Variants in DNAJC24 observed in about 807,000 individuals in gnomAD.
DNAJC24 encodes the protein DnaJ heat shock protein family (Hsp40) member C24.
In DNAJC24, 17 loss-of-function variants were observed where a neutral mutation model predicts 18.0. That is an observed-to-expected ratio of 0.94 (90% CI 0.65 to 1.42). The LOEUF (loss-of-function observed/expected upper bound fraction) is 1.42. DNAJC24 is among the 40% of genes most tolerant of loss of function. DNAJC24 has a pLI of 0.00. For missense variants in DNAJC24, 158 were observed against 175.6 expected (o/e 0.90, Z 0.57); for synonymous variants, 55 against 57.7 (o/e 0.95, Z 0.21).
At chr11:31,414,696 TG>T (rs1952737672) in intron 2 of DNAJC24, 114 bp from the exon 3 acceptor site, 3 of 1,121,630 alleles carry the variant, frequency 2.7e-6, no homozygotes, top group Non-Finnish European at 3.8e-6. Flanking sequence ...CCTTGGCATT[TG>T]GTTTTCATCT....
intron 2 of DNAJC24, among the ~76,000 whole-genome samples, chr11:31,385,939 G>A (rs1261050851): frequency 6.6e-6 from 1 of 152,136 alleles, no homozygotes; most frequent in Admixed American, 6.5e-5. Context: ...CCGTGTGCTT[G>A]GGGAAGGGAG....
Position 31,372,699 on chromosome 11 carries a change from CAG to C in DNAJC24, c.111+1844_111+1845del, listed in dbSNP as rs956268212. The stretch of plus-strand genomic sequence containing the variant: ...TTTCACATATGCGCTAACAATGTAT[CAG>C]AGAATTCTGGTTGCTCTACAGCTTT... On this transcript the variant is annotated intron_variant, in intron 2 of 4. Transcript: ENST00000465995. 5.2e-5 allele frequency among the ~76,000 whole-genome samples: 7 copies of C among 135,858 alleles called. 1 individual carries two copies. Among genetic ancestry groups the C allele is most frequent in the Non-Finnish European group, 1.0e-4 (6 of 58,728 alleles). 89.1% of individuals were successfully genotyped at this position (135,858 alleles called of 152,430 possible). A position where few individuals can be genotyped will look rare whatever the true frequency, so the allele number is the denominator to read the frequency against.
intron 3 of DNAJC24, among the ~76,000 whole-genome samples, chr11:31,418,585 G>T (rs1039190189): frequency 1.2e-4 from 18 of 152,068 alleles, no homozygotes; most frequent in Non-Finnish European, 1.9e-4. Context: ...ATGTTTAAAA[G>T]AATAGATTGT....
intron 2 of DNAJC24, chr11:31,396,183 G>GT: frequency 2.4e-6 from 1 of 413,918 alleles, no homozygotes; most frequent in Non-Finnish European, 4.8e-6. Context: ...TGATACTGTT[G>GT]TAAGTCTTGA....
intron 2 of DNAJC24, among the ~76,000 whole-genome samples, chr11:31,372,588 T>C (rs1952276122): frequency 7.4e-6 from 1 of 135,976 alleles, no homozygotes; most frequent in East Asian, 1.9e-4. Flanking sequence ...CTGGTTCTTG[T>C]AGGCCATGCT....
intron 2 of DNAJC24, chr11:31,384,449 A>G (rs1266224009): frequency 1.3e-5 from 2 of 152,216 alleles, no homozygotes; most frequent in Non-Finnish European, 2.9e-5. Context: ...ACTCAATATA[A>G]TAGATTCTCA....
chr11:31,413,618 C>T (rs1036597629), intron 2 of DNAJC24, among the ~76,000 whole-genome samples: 1 of 152,080 alleles, frequency 6.6e-6, no homozygotes, highest in Non-Finnish European at 1.5e-5. Context: ...AAGCGTGAGC[C>T]ACTGCACCCG....
intron 2 of DNAJC24, chr11:31,384,659 A>G (rs910205430): frequency 1.3e-5 from 2 of 152,220 alleles, no homozygotes; most frequent in African/African-American, 4.8e-5. Flanking sequence ...GCCACACAGC[A>G]TGTGAAGTGA....
chr11:31,421,640 T>A (rs1018780607), intron 3 of DNAJC24, among the ~76,000 whole-genome samples: 1 of 152,214 alleles, frequency 6.6e-6, no homozygotes, highest in South Asian at 2.1e-4. Flanking sequence ...TTTTACTTTA[T>A]TTTTTAAATT....
intron 4 of DNAJC24, among the ~76,000 whole-genome samples, chr11:31,428,504 T>A (rs1003508574): frequency 1.3e-5 from 2 of 152,000 alleles, no homozygotes; most frequent in African/African-American, 4.8e-5. Flanking sequence ...AAAGGAAAAA[T>A]TTGTTTGAAG....
At chr11:31,412,009 A>C (rs1038285576) in intron 2 of DNAJC24, among the ~76,000 whole-genome samples, 8 of 152,208 alleles carry the variant, frequency 5.3e-5, no homozygotes, top group African/African-American at 1.9e-4. Flanking sequence ...CCATTAAATA[A>C]ATGTCATGGA....
intron 2 of DNAJC24, among the ~76,000 whole-genome samples, chr11:31,395,502 A>G (rs1387636844): frequency 6.6e-6 from 1 of 152,158 alleles, no homozygotes; most frequent in Non-Finnish European, 1.5e-5. Context: ...ACTTATTTGC[A>G]TTCCCACTAG....
chr11:31,390,075 C>T (rs888379295), intron 2 of DNAJC24, among the ~76,000 whole-genome samples: 12 of 152,074 alleles, frequency 7.9e-5, no homozygotes, highest in African/African-American at 2.9e-4. Context: ...AAAACCTGAA[C>T]AGACCAATAA....
At position 31,431,948 on chromosome 11, in the gene DNAJC24, G is replaced by C; in HGVS notation, c.*1547G>C. The C allele has an allele frequency of 6.6e-6, 1 of 152,396 alleles. No homozygotes were observed. The highest frequency in any genetic ancestry group is 1.9e-4 in the East Asian group (1 of 5,206). The allele number at this position is 152,396 out of a possible 1,614,324, so 9.4% of individuals were successfully genotyped here. A position where few individuals can be genotyped will look rare whatever the true frequency, so the allele number is the denominator to read the frequency against. The stretch of plus-strand genomic sequence containing the variant: ...TATTGACTATAGCCAACTACAGATG[G>C]CATATGCCTTAAAGATGCATTTTTC... On this transcript the variant is annotated 3_prime_UTR_variant, in exon 5 of 5. Coordinates refer to ENST00000465995, the MANE Select transcript of DNAJC24 (RefSeq NM_181706.5).
chr11:31,398,727 A>G (rs919265330), intron 2 of DNAJC24, among the ~76,000 whole-genome samples: 13 of 152,206 alleles, frequency 8.5e-5, no homozygotes, highest in African/African-American at 2.9e-4. Flanking sequence ...ATATAAGAAA[A>G]GCATGAAAGC....
At chr11:31,409,555 T>G in intron 2 of DNAJC24, among the ~76,000 whole-genome samples, 1 of 152,374 alleles carries the variant, frequency 6.6e-6, no homozygotes, top group East Asian at 1.9e-4. Flanking sequence ...GATACTCATT[T>G]GTGTTATTGA....
intron 2 of DNAJC24, among the ~76,000 whole-genome samples, chr11:31,411,389 A>G (rs1025854375): frequency 6.6e-6 from 1 of 152,352 alleles, no homozygotes; most frequent in Non-Finnish European, 1.5e-5. Context: ...TTCTCATAGC[A>G]GTAAAAACAA....
intron 2 of DNAJC24, chr11:31,374,268 C>A (rs1375357680): frequency 6.0e-6 from 1 of 166,526 alleles, no homozygotes; most frequent in African/African-American, 2.4e-5. Context: ...GAAATTCTTC[C>A]AATTAATACT....
At chr11:31,420,938 T>C (rs1952798056) in intron 3 of DNAJC24, among the ~76,000 whole-genome samples, 1 of 152,192 alleles carries the variant, frequency 6.6e-6, no homozygotes, top group Admixed American at 6.5e-5. Context: ...GTGGGTTTCA[T>C]TTGGTACCTT....
Sources: allele counts gnomAD v4.1 joint callset (sites outside exome capture counted in the v4.1 genomes callset), GRCh38; gene constraint gnomAD v4.1.1; transcripts MANE v1.5; gene names NCBI Gene and HGNC (gene_info 2026-07-23, HGNC 2026-07-21).